The following NPDC1 variants were observed in gnomAD, a reference collection of about 807,000 sequenced individuals.
The protein encoded by NPDC1 is neural proliferation, differentiation and control 1, also known as neural proliferation differentiation and control protein 1.
NPDC1 carries 18 observed loss-of-function variants against 32.5 expected under a neutral mutation model. The observed-to-expected ratio is 0.55, with a 90% CI of 0.38 to 0.82. NPDC1 has a LOEUF of 0.82. Ranked by LOEUF, NPDC1 falls within the 40% of genes least tolerant of loss-of-function variation. NPDC1 has a pLI of 0.00. For missense variants in NPDC1, 468 were observed against 406.6 expected (o/e 1.15, Z -1.30); for synonymous variants, 210 against 184.7 (o/e 1.14, Z -1.11).
chr9:137,042,405 C>T lies in NPDC1; in HGVS notation c.259+522G>A, dbSNP rs370974559. Among the ~76,000 whole-genome samples the T allele has an allele frequency of 7.3e-3, 1,106 of 152,028 alleles. 20 individuals carry two copies. Among genetic ancestry groups the T allele is most frequent in the African/African-American group, 0.025 (1,047 of 41,426 alleles). On this transcript the variant is annotated intron_variant, in intron 2 of 8. Coordinates refer to ENST00000371601, the MANE Select transcript of NPDC1 (RefSeq NM_015392.4). Reference sequence around the variant, plus strand: ...AGTAGCTGGGACTACAGGCGCCCGCCGCCACGCCCGGCTAATTTTGTTTTT... The same window carrying T: ...AGTAGCTGGGACTACAGGCGCCCGCTGCCACGCCCGGCTAATTTTGTTTTT...
In NPDC1 at chr9:137,039,515, C is replaced by T. The variant is rs1189221585; in HGVS notation, c.*257G>A. 4.7e-6 allele frequency: 2 copies of T among 427,630 alleles called. No individual in the cohort carries two copies. Among genetic ancestry groups the T allele is most frequent in the Non-Finnish European group, 8.3e-6 (2 of 241,538 alleles). The allele number at this position is 427,630 out of a possible 1,614,324, so 26.5% of individuals were successfully genotyped here. A position where few individuals can be genotyped will look rare whatever the true frequency, so the allele number is the denominator to read the frequency against. ...GCTTTTGTCTCTAGAATTACCCACC[C>T]GTTCCTGCGCTCTACGGTTCTCCAT... On this transcript the variant is annotated 3_prime_UTR_variant, in exon 9 of 9. Transcript: ENST00000371601.
At chr9:137,041,538 G>A (rs1284058787) in intron 2 of NPDC1, among the ~76,000 whole-genome samples, 2 of 152,224 alleles carry the variant, frequency 1.3e-5, no homozygotes, top group East Asian at 1.9e-4. Flanking sequence ...TAGAGGGGCA[G>A]GGACTCCCCA....
chr9:137,043,637 C>A, intron 1 of NPDC1: 1 of 497,536 alleles, frequency 2.0e-6, no homozygotes, highest in Non-Finnish European at 3.6e-6. Context: ...AAGATGGAGT[C>A]TGCTGACCTC....
At chr9:137,045,558 C>G (rs1008672457) in intron 1 of NPDC1, among the ~76,000 whole-genome samples, 1 of 152,220 alleles carries the variant, frequency 6.6e-6, no homozygotes, top group Non-Finnish European at 1.5e-5. Context: ...CCGGCGGGCC[C>G]GCCCAGAGCC....
At chr9:137,045,773 G>A (rs1344514918) in intron 1 of NPDC1, 105 bp downstream of exon 1, 26 of 727,892 alleles carry the variant, frequency 3.6e-5, no homozygotes, top group Non-Finnish European at 4.4e-5. Flanking sequence ...TGCAGGGCCT[G>A]CGGGCCTGGG....
At chr9:137,044,154 T>C (rs10747042) in intron 1 of NPDC1, 135,412 of 152,480 alleles carry the variant, frequency 0.89, 60,202 homozygotes, top group South Asian at 0.92. Flanking sequence ...GGTTGGCTGG[T>C]TTGGTTTCCT....
intron 2 of NPDC1, among the ~76,000 whole-genome samples, chr9:137,042,203 C>T (rs1280584622): frequency 6.6e-6 from 1 of 151,762 alleles, no homozygotes; most frequent in South Asian, 2.1e-4. Flanking sequence ...CCCACAAGGT[C>T]CAGGGGCCCC....
At chr9:137,044,401 C>G (rs970177171) in intron 1 of NPDC1, among the ~76,000 whole-genome samples, 1 of 152,168 alleles carries the variant, frequency 6.6e-6, no homozygotes, top group Non-Finnish European at 1.5e-5. Context: ...GAGGCAGTCC[C>G]CGCTCCTGTG....
chr9:137,044,942 C>T (rs1564248032), intron 1 of NPDC1, among the ~76,000 whole-genome samples: 1 of 152,250 alleles, frequency 6.6e-6, no homozygotes, highest in Admixed American at 6.5e-5. Context: ...ACCAGGCTGC[C>T]CAGGACAGCG....
In NPDC1 at chr9:137,046,082, G is replaced by T; in HGVS notation, c.-93C>A. 14 of 1,100,758 alleles carry T rather than the reference G, an allele frequency of 1.3e-5. No homozygotes were observed. The highest frequency in any genetic ancestry group is 1.4e-5 in the Non-Finnish European group (13 of 902,974). The allele number at this position is 1,100,758 out of a possible 1,614,324, so 68.2% of individuals were successfully genotyped here. ...CGCGTCGGGAGCAGCGGAGGCAGCG[G>T]GGGAGGACGCAGGAGGAAGAAGAGG... On this transcript the variant is annotated 5_prime_UTR_variant, in exon 1 of 9. Coordinates refer to ENST00000371601, the MANE Select transcript of NPDC1 (RefSeq NM_015392.4).
intron 1 of NPDC1, chr9:137,043,814 C>T (rs765601902): frequency 3.8e-5 from 7 of 184,614 alleles, no homozygotes; most frequent in Non-Finnish European, 5.7e-5. Context: ...ACTTTCATCT[C>T]GCTGATGAGG....
chr9:137,041,321 A>C, intron 2 of NPDC1, 134 bp from the exon 3 acceptor site: 1 of 1,032,638 alleles, frequency 9.7e-7, no homozygotes, highest in Non-Finnish European at 1.3e-6. Context: ...TCTCCCTCCC[A>C]GATTGCCATG....
chr9:137,041,149 C>T lies in NPDC1; in HGVS notation c.298G>A (p.Asp100Asn), dbSNP rs1832045572. The T allele has an allele frequency of 6.7e-7, 1 of 1,490,784 alleles. No individual in the cohort carries two copies. Among genetic ancestry groups the T allele is most frequent in the East Asian group, 2.4e-5 (1 of 41,562 alleles). 92.3% of individuals were successfully genotyped at this position (1,490,784 alleles called of 1,614,324 possible). ...RPQPRLEDEI[D>N]FLAQELARKE... ...CGGGCAAGCTCCTGGGCCAGGAAGT[C>T]AATCTCATCTTCCAGTCTGGGCTGG... The change falls in exon 3 of 9, where the codon GAC (aspartate) becomes AAC (asparagine). Residue 100 changes from aspartate (D) to asparagine (N), a missense_variant. Coordinates refer to ENST00000371601, the MANE Select transcript of NPDC1 (RefSeq NM_015392.4).
Position 137,040,035 on chromosome 9 carries a change from G to T in NPDC1, c.821C>A (p.Ala274Asp). The T allele has an allele frequency of 1.3e-6, 1 of 778,838 alleles. No homozygotes were observed. The highest frequency in any genetic ancestry group is 2.4e-6 in the Non-Finnish European group (1 of 417,932). 48.2% of individuals were successfully genotyped at this position (778,838 alleles called of 1,614,324 possible). A position where few individuals can be genotyped will look rare whatever the true frequency, so the allele number is the denominator to read the frequency against. The change falls in exon 8 of 9, where the codon GCC becomes GAC. Residue 274 changes from alanine to aspartate, a missense_variant. Transcript: ENST00000371601. ...HKEPPKELDT[A>D]SSDEENEDGD... is the part of the protein sequence containing the mutation. The stretch of plus-strand genomic sequence containing the variant: ...GTCCTCATTCTCCTCATCCGAGGAG[G>T]CCGTGTCCAGCTCCTTGGGTGGCTC...
At chr9:137,041,296 C>T (rs1832048387) in intron 2 of NPDC1, 109 bp from the exon 3 acceptor site, 1 of 1,210,714 alleles carries the variant, frequency 8.3e-7, no homozygotes, top group South Asian at 3.0e-5. Flanking sequence ...GGACTGGGTA[C>T]ACGCCTGGAG....
At position 137,039,654 on chromosome 9, in the gene NPDC1, C is replaced by T. The variant is rs936930557; in HGVS notation, c.*118G>A. 17 of 599,098 alleles carry T rather than the reference C, an allele frequency of 2.8e-5. No homozygotes were observed. Among genetic ancestry groups the T allele is most frequent in the Admixed American group, 6.1e-5 (2 of 33,030 alleles). 37.1% of individuals were successfully genotyped at this position (599,098 alleles called of 1,614,324 possible). On this transcript the variant is annotated 3_prime_UTR_variant, in exon 9 of 9. Coordinates refer to ENST00000371601, the MANE Select transcript of NPDC1 (RefSeq NM_015392.4). ...GCAAGGGGTCCCAGGGCCTGGAGCCCGAGGCCCAGCCAAAAGCACACAGCA... is the reference window on the plus strand; with the variant it reads ...GCAAGGGGTCCCAGGGCCTGGAGCCTGAGGCCCAGCCAAAAGCACACAGCA...
chr9:137,041,573 G>A (rs567025368), intron 2 of NPDC1, among the ~76,000 whole-genome samples: 2 of 152,318 alleles, frequency 1.3e-5, no homozygotes, highest in East Asian at 3.9e-4. Context: ...GCCGAAGGAA[G>A]CCAAGCACCC....
At chr9:137,041,372 G>A (rs1037457403) in intron 2 of NPDC1, among the ~76,000 whole-genome samples, 185 bp from the exon 3 acceptor site, 3 of 152,282 alleles carry the variant, frequency 2.0e-5, no homozygotes, top group South Asian at 2.1e-4. Flanking sequence ...AGTGCTTCCC[G>A]GAAAGTGGAG....
At position 137,046,055 on chromosome 9, in the gene NPDC1, T is replaced by A; in HGVS notation, c.-66A>T. 8.7e-7 allele frequency: 1 copy of A among 1,151,734 alleles called. No individual in the cohort carries two copies. The highest frequency in any genetic ancestry group is 1.1e-6 in the Non-Finnish European group (1 of 936,014). The allele number at this position is 1,151,734 out of a possible 1,614,324, so 71.3% of individuals were successfully genotyped here. On this transcript the variant is annotated 5_prime_UTR_variant, in exon 1 of 9. Coordinates refer to ENST00000371601, the MANE Select transcript of NPDC1 (RefSeq NM_015392.4). ...CAGGGGCTCGGCGCGGGCTCCGGGC[T>A]CCGCGTCGGGAGCAGCGGAGGCAGC...
Sources: gnomAD v4.1 joint callset for allele counts (sites outside exome capture counted in the v4.1 genomes callset) on GRCh38, gnomAD v4.1.1 for gene constraint, MANE v1.5 for transcripts, NCBI Gene and HGNC (gene_info 2026-07-23, HGNC 2026-07-21) for gene names.